ANK2: variants seen among roughly 807,000 people sequenced by gnomAD.
ANK2 encodes ankyrin 2, also known as ankyrin-2.
In ANK2, 83 loss-of-function variants were observed where a neutral mutation model predicts 360.5. The ratio of observed to expected loss-of-function variants is 0.23; its 90% CI spans 0.19 to 0.28. ANK2 has a LOEUF of 0.28. Ranked by LOEUF, ANK2 falls within the 10% of genes least tolerant of loss-of-function variation. The pLI, the probability that ANK2 is intolerant of heterozygous loss-of-function variation, is 1.00. For synonymous variants in ANK2, 1,740 were observed against 1,759.5 expected (o/e 0.99, Z 0.28); for missense variants, 4,201 against 4,795.7 (o/e 0.88, Z 3.66).
At chr4:113,338,226 G>A (rs1046581459) in intron 31 of ANK2, among the ~76,000 whole-genome samples, 1 of 152,030 alleles carries the variant, frequency 6.6e-6, no homozygotes, top group Non-Finnish European at 1.5e-5. Flanking sequence ...TTAGAGTCAA[G>A]ACTTTTCTTC....
chr4:112,962,784 A>G (rs1003538581), intron 2 of ANK2, among the ~76,000 whole-genome samples: 7 of 152,308 alleles, frequency 4.6e-5, no homozygotes, highest in Admixed American at 4.6e-4. Flanking sequence ...AAAGCTTTTA[A>G]GAATCACTGA....
chr4:113,278,316 T>C (rs2153700105), intron 16 of ANK2, 144 bp from the exon 17 acceptor site: 2 of 729,762 alleles, frequency 2.7e-6, no homozygotes, highest in South Asian at 3.2e-5. Flanking sequence ...TTATTAGGGA[T>C]TTGTTTATTT....
At chr4:113,323,171 C>T (rs1421216332) in intron 26 of ANK2, among the ~76,000 whole-genome samples, 1 of 152,024 alleles carries the variant, frequency 6.6e-6, no homozygotes, top group Non-Finnish European at 1.5e-5. Context: ...AGACAGCAAT[C>T]TCCAAAGCAG....
the ANK2 span, among the ~76,000 whole-genome samples, chr4:112,726,859 A>G: frequency 2.0e-5 from 3 of 151,560 alleles, no homozygotes; most frequent in South Asian, 4.2e-4. Context: ...CTCAAAAAAA[A>G]AAAAAAAAAA....
intron 1 of ANK2, among the ~76,000 whole-genome samples, chr4:113,075,318 C>A (rs1489153320): frequency 6.6e-6 from 1 of 152,144 alleles, no homozygotes; most frequent in Non-Finnish European, 1.5e-5. Context: ...CCCTATATAT[C>A]CCCATATAGT....
the ANK2 span, among the ~76,000 whole-genome samples, chr4:112,710,886 AT>A: frequency 6.8e-6 from 1 of 146,140 alleles, no homozygotes; most frequent in South Asian, 2.1e-4. Context: ...TTAATGGAGA[AT>A]CTTTTTGAAC....
intron 13 of ANK2, among the ~76,000 whole-genome samples, chr4:113,260,999 T>C (rs1211456968): frequency 1.3e-5 from 2 of 152,200 alleles, no homozygotes; most frequent in Admixed American, 6.5e-5. Context: ...GCTTTTCAAC[T>C]TGATGCGCCC....
intron 14 of ANK2, among the ~76,000 whole-genome samples, chr4:113,272,113 C>T (rs564403715): frequency 6.6e-6 from 1 of 152,216 alleles, no homozygotes; most frequent in Non-Finnish European, 1.5e-5. Flanking sequence ...CTCCTGGGAA[C>T]CCTGTTAGCT....
chr4:113,204,348 G>A (rs1166879987), intron 4 of ANK2, among the ~76,000 whole-genome samples: 1 of 152,124 alleles, frequency 6.6e-6, no homozygotes, highest in Non-Finnish European at 1.5e-5. Flanking sequence ...AATGGGTATG[G>A]TAAATTTCCC....
chr4:113,130,888 A>C (rs1159617081), intron 1 of ANK2, among the ~76,000 whole-genome samples: 1 of 152,358 alleles, frequency 6.6e-6, no homozygotes, highest in East Asian at 1.9e-4. Context: ...GTACCAATGC[A>C]TAAACAGTTA....
At chr4:113,266,478 G>A (rs1173166523) in intron 14 of ANK2, among the ~76,000 whole-genome samples, 1 of 152,136 alleles carries the variant, frequency 6.6e-6, no homozygotes, top group African/African-American at 2.4e-5. Flanking sequence ...CCCAGTAATG[G>A]GATTGCTGGG....
At chr4:113,303,876 C>A (rs1323434938) in intron 23 of ANK2, among the ~76,000 whole-genome samples, 1 of 152,068 alleles carries the variant, frequency 6.6e-6, no homozygotes, top group Non-Finnish European at 1.5e-5. Flanking sequence ...TGCTTTTATA[C>A]AGAGAAATAT....
intron 1 of ANK2, among the ~76,000 whole-genome samples, chr4:112,858,135 T>G (rs969089779): frequency 2.0e-5 from 3 of 152,182 alleles, no homozygotes; most frequent in African/African-American, 7.2e-5. Flanking sequence ...TCATGGAAAT[T>G]TAGTGCATTA....
chr4:113,101,279 C>T (rs925808285), intron 1 of ANK2, among the ~76,000 whole-genome samples: 18 of 152,098 alleles, frequency 1.2e-4, no homozygotes. Flanking sequence ...TTTTTACATA[C>T]ATGAATGAAT....
intron 1 of ANK2, chr4:112,882,131 G>T: frequency 3.6e-6 from 1 of 276,698 alleles, no homozygotes; most frequent in Non-Finnish European, 6.9e-6. Context: ...GGCTCTTTAG[G>T]ACAGGACGGC....
intron 2 of ANK2, among the ~76,000 whole-genome samples, chr4:112,994,984 A>G (rs570619377): frequency 3.9e-5 from 6 of 152,216 alleles, no homozygotes; most frequent in Admixed American, 3.9e-4. Context: ...TATGTACCAC[A>G]TTTTCTTTAT....
At chr4:112,890,127 C>T (rs922916198) in intron 1 of ANK2, among the ~76,000 whole-genome samples, 1 of 152,180 alleles carries the variant, frequency 6.6e-6, no homozygotes, top group Non-Finnish European at 1.5e-5. Context: ...TCAGACCCCT[C>T]CATTCTCTTT....
intron 2 of ANK2, among the ~76,000 whole-genome samples, chr4:113,000,761 A>G (rs2050318512): frequency 6.6e-6 from 1 of 152,184 alleles, no homozygotes; most frequent in Non-Finnish European, 1.5e-5. Flanking sequence ...GTAACTCAAA[A>G]CTGTCATTTC....
chr4:113,243,186 T>C (rs2040942965), intron 9 of ANK2, among the ~76,000 whole-genome samples: 1 of 152,172 alleles, frequency 6.6e-6, no homozygotes, highest in African/African-American at 2.4e-5. Flanking sequence ...AATACAAAAA[T>C]GTTAATATGT....
Sources: allele counts gnomAD v4.1 joint callset (sites outside exome capture counted in the v4.1 genomes callset), GRCh38; gene constraint gnomAD v4.1.1; transcripts MANE v1.5; gene names NCBI Gene and HGNC (gene_info 2026-07-23, HGNC 2026-07-21).